ADAMTS19: variants seen among roughly 807,000 people sequenced by gnomAD.
ADAMTS19 encodes the protein ADAM metallopeptidase with thrombospondin type 1 motif 19.
In ADAMTS19, 93 loss-of-function variants were observed where a neutral mutation model predicts 153.3. The ratio of observed to expected loss-of-function variants is 0.61; its 90% CI spans 0.51 to 0.72. The LOEUF (loss-of-function observed/expected upper bound fraction) is 0.72, where lower values mean the gene tolerates loss of function less well. Ranked by LOEUF, ADAMTS19 falls within the 30% of genes least tolerant of loss-of-function variation. ADAMTS19 has a pLI of 0.00. For synonymous variants in ADAMTS19, 600 were observed against 556.6 expected (o/e 1.08, Z -1.10); for missense variants, 1,482 against 1,552.1 (o/e 0.95, Z 0.76).
intron 10 of ADAMTS19, among the ~76,000 whole-genome samples, chr5:129,637,808 A>G (rs115102272): frequency 0.038 from 5,768 of 152,198 alleles, 342 homozygotes; most frequent in African/African-American, 0.13. Flanking sequence ...TGATTGTGCT[A>G]CTGCACTCCA....
intron 2 of ADAMTS19, among the ~76,000 whole-genome samples, chr5:129,469,332 A>T (rs546761588): frequency 1.3e-5 from 2 of 152,312 alleles, no homozygotes; most frequent in South Asian, 2.1e-4. Flanking sequence ...GTAAGCTAGA[A>T]AAAGCAAATT....
intron 18 of ADAMTS19, among the ~76,000 whole-genome samples, chr5:129,688,628 T>C (rs893694520): frequency 6.6e-6 from 1 of 152,192 alleles, no homozygotes; most frequent in Non-Finnish European, 1.5e-5. Flanking sequence ...TTAAAATCTC[T>C]GATGAAGGCT....
intron 8 of ADAMTS19, among the ~76,000 whole-genome samples, chr5:129,598,351 C>T (rs562462826): frequency 6.6e-4 from 100 of 152,100 alleles, no homozygotes; most frequent in African/African-American, 2.3e-3. Context: ...GGAGTCTGTA[C>T]GCACTTCAGT....
chr5:129,696,306 A>C (rs781584185), intron 19 of ADAMTS19, among the ~76,000 whole-genome samples: 2 of 152,062 alleles, frequency 1.3e-5, no homozygotes, highest in Non-Finnish European at 2.9e-5. Flanking sequence ...AATCCTAGCT[A>C]CTCGGGAGGC....
chr5:129,702,971 T>TATATATAC (rs1389589629), intron 20 of ADAMTS19, among the ~76,000 whole-genome samples: 18 of 129,778 alleles, frequency 1.4e-4, no homozygotes, highest in Admixed American at 4.6e-4. Flanking sequence ...TATATATATA[T>TATATATAC]ACAAATACAT....
intron 2 of ADAMTS19, among the ~76,000 whole-genome samples, chr5:129,471,797 C>G (rs548377462): frequency 1.7e-3 from 256 of 152,250 alleles, no homozygotes; most frequent in African/African-American, 6.0e-3. Context: ...AAAGTGAGAA[C>G]ATGTGGTTTT....
intron 2 of ADAMTS19, among the ~76,000 whole-genome samples, chr5:129,475,144 C>A (rs1174917140): frequency 1.3e-5 from 2 of 149,696 alleles, no homozygotes; most frequent in African/African-American, 2.5e-5. Context: ...GATGTTGTAT[C>A]TAAGAACTCA....
rs181391500 is a variant in ADAMTS19, at chr5:129,634,427, A to C, written c.1771-7432A>C. On this transcript the variant is annotated intron_variant, in intron 10 of 22. Coordinates refer to ENST00000274487, the MANE Select transcript of ADAMTS19 (RefSeq NM_133638.6). ...TTGATATTCATCACAGAATTAGAAA[A>C]CCTATTTTAAAAATCATATAGAAAC... 2.4e-4 allele frequency among the ~76,000 whole-genome samples: 36 copies of C among 152,288 alleles called. 1 individual carries two copies. Among genetic ancestry groups the C allele is most frequent in the Admixed American group, 6.5e-4 (10 of 15,288 alleles).
At chr5:129,682,083 C>A (rs1754843742) in intron 17 of ADAMTS19, among the ~76,000 whole-genome samples, 1 of 152,148 alleles carries the variant, frequency 6.6e-6, no homozygotes, top group African/African-American at 2.4e-5. Context: ...TATGTGAGAC[C>A]TTAGTGTTGG....
rs1756388124 is a variant in ADAMTS19 at position 129,710,364 on chromosome 5, G to C, written c.3312+5973G>C. On this transcript the variant is annotated intron_variant, in intron 21 of 22. Coordinates refer to ENST00000274487, the MANE Select transcript of ADAMTS19 (RefSeq NM_133638.6). The stretch of plus-strand genomic sequence containing the variant: ...ATATGTACCACATTTTCTTGATCCA[G>C]TCTATCATTGATGGGCATTTGGGTT... Among the ~76,000 whole-genome samples the C allele has an allele frequency of 2.0e-5, 3 of 152,102 alleles. No homozygotes were observed. In the South Asian group the frequency reaches 6.2e-4, roughly 32 times the overall value.
chr5:129,653,545 C>G (rs73785245), intron 13 of ADAMTS19, among the ~76,000 whole-genome samples: 4,116 of 152,256 alleles, frequency 0.027, 59 homozygotes, highest in South Asian at 0.037. Flanking sequence ...AGTTCTCAAC[C>G]TAGATATCGT....
intron 6 of ADAMTS19, among the ~76,000 whole-genome samples, chr5:129,540,898 C>T (rs1022471423): frequency 2.6e-5 from 4 of 152,014 alleles, no homozygotes; most frequent in Non-Finnish European, 4.4e-5. Context: ...ATGCAGACTT[C>T]GGGTGCACAG....
intron 21 of ADAMTS19, among the ~76,000 whole-genome samples, chr5:129,722,507 A>G (rs1298131697): frequency 8.2e-6 from 1 of 122,446 alleles, no homozygotes; most frequent in Non-Finnish European, 1.6e-5. Flanking sequence ...CCTTTGTTAG[A>G]TAGGTAGATT....
intron 3 of ADAMTS19, among the ~76,000 whole-genome samples, chr5:129,512,672 A>C: frequency 6.6e-6 from 1 of 152,086 alleles, no homozygotes; most frequent in East Asian, 1.9e-4. Context: ...GATTGGGGCC[A>C]ACACAGCTGT....
chr5:129,667,430 A>C (rs1233182226), intron 16 of ADAMTS19, among the ~76,000 whole-genome samples: 1 of 152,160 alleles, frequency 6.6e-6, no homozygotes. Context: ...TCTAAATCTC[A>C]TGCTAAATTC....
intron 11 of ADAMTS19, 50 bp from the exon 12 acceptor site, chr5:129,647,713 GAT>G: frequency 6.3e-7 from 1 of 1,578,812 alleles, no homozygotes; most frequent in South Asian, 1.2e-5. Context: ...GCCAGCGAAT[GAT>G]TTTCAGTTGT....
intron 7 of ADAMTS19, among the ~76,000 whole-genome samples, chr5:129,572,053 G>A (rs565444196): frequency 1.3e-5 from 2 of 151,812 alleles, no homozygotes; most frequent in Non-Finnish European, 2.9e-5. Context: ...AAACATAAGA[G>A]AAAATCTTGA....
At chr5:129,699,128 A>G (rs1755705353) in intron 19 of ADAMTS19, among the ~76,000 whole-genome samples, 1 of 152,220 alleles carries the variant, frequency 6.6e-6, no homozygotes, top group Non-Finnish European at 1.5e-5. Flanking sequence ...TTCTATTTCA[A>G]GGAATGTTTA....
chr5:129,538,820 G>T lies in ADAMTS19; in HGVS notation c.1328+10143G>T, dbSNP rs1752553497. ...AGCCTAATATGGTTTTATTTTCCAAGTAATGCATATTCTCATGGCAAAAGT... is the reference window on the plus strand; with the variant it reads ...AGCCTAATATGGTTTTATTTTCCAATTAATGCATATTCTCATGGCAAAAGT... On this transcript the variant is annotated intron_variant, in intron 6 of 22. Transcript: ENST00000274487. Among the ~76,000 whole-genome samples, 3 of 152,172 alleles carry T rather than the reference G, an allele frequency of 2.0e-5. No individual in the cohort carries two copies. The South Asian group carries it at 6.2e-4, about 32-fold the overall frequency.
Sources: gnomAD v4.1 joint callset for allele counts (sites outside exome capture counted in the v4.1 genomes callset) on GRCh38, gnomAD v4.1.1 for gene constraint, MANE v1.5 for transcripts, NCBI Gene and HGNC (gene_info 2026-07-23, HGNC 2026-07-21) for gene names.